Variants in NPHS1 observed in about 807,000 individuals in gnomAD.
The protein encoded by NPHS1 is NPHS1 adhesion molecule, nephrin.
In NPHS1, 107 loss-of-function variants were observed where a neutral mutation model predicts 139.7. That is an observed-to-expected ratio of 0.77 (90% confidence interval 0.66 to 0.90). The LOEUF (loss-of-function observed/expected upper bound fraction) is 0.90, where lower values mean the gene tolerates loss of function less well. Ranked by LOEUF, NPHS1 falls within the 40% of genes least tolerant of loss-of-function variation. NPHS1 has a pLI of 0.00. For synonymous variants in NPHS1, 707 were observed against 706.6 expected (o/e 1.00, Z -0.01); for missense variants, 1,580 against 1,654.2 (o/e 0.96, Z 0.78).
rs373967185 is a variant in NPHS1, at chr19:35,834,995, C to G, written c.3166+710G>C. Among the ~76,000 whole-genome samples, 16 of 151,476 alleles carry G rather than the reference C, an allele frequency of 1.1e-4. No individual in the cohort carries two copies. In the South Asian group the frequency reaches 3.1e-3, roughly 30 times the overall value. ...GGCAGATCACTTGAGGTCGGGAGTT[C>G]GAGACCAGCCTGGCCAACATGGTGA... On this transcript the variant is annotated intron_variant, in intron 23 of 28. Coordinates refer to ENST00000378910, the MANE Select transcript of NPHS1 (RefSeq NM_004646.4).
chr19:35,845,978 C>T lies in NPHS1; in HGVS notation c.1627+30G>A, dbSNP rs755162374. Reference sequence around the variant, plus strand: ...ACCTGGCTCTGTCCCTCCCGCCCCGCCCCCGGGCCTCAGCAGTGCGAGCCC... The same window carrying T: ...ACCTGGCTCTGTCCCTCCCGCCCCGTCCCCGGGCCTCAGCAGTGCGAGCCC... On this transcript the variant is annotated intron_variant, in intron 12 of 28. Transcript: ENST00000378910. The surrounding 1 kb of genome is among the most constrained non-coding windows in gnomAD (Gnocchi z 5.5). The T allele has an allele frequency of 5.2e-6, 8 of 1,550,110 alleles. No homozygotes were observed. The South Asian group carries it at 5.9e-5, about 11-fold the overall frequency.
intron 28 of NPHS1, among the ~76,000 whole-genome samples, chr19:35,830,026 C>T (rs1773125025): frequency 6.6e-6 from 1 of 152,092 alleles, no homozygotes; most frequent in Non-Finnish European, 1.5e-5. Flanking sequence ...CAATTGTATG[C>T]CTTGATTTTT....
rs1021202703 is a variant in NPHS1 at position 35,826,194 on chromosome 19, G to A, written c.*320C>T. 1.6e-5 allele frequency: 5 copies of A among 305,476 alleles called. No homozygotes were observed. Among genetic ancestry groups the A allele is most frequent in the African/African-American group, 6.4e-5 (3 of 46,522 alleles). 18.9% of individuals were successfully genotyped at this position (305,476 alleles called of 1,614,324 possible). A position where few individuals can be genotyped will look rare whatever the true frequency, so the allele number is the denominator to read the frequency against. On this transcript the variant is annotated 3_prime_UTR_variant, in exon 29 of 29. Coordinates refer to ENST00000378910, the MANE Select transcript of NPHS1 (RefSeq NM_004646.4). ...ACTCCTGACCTCAGGTGATCCACCCGCCTCAGCCTCCCAAAGTGCTGGGAT... is the reference window on the plus strand; with the variant it reads ...ACTCCTGACCTCAGGTGATCCACCCACCTCAGCCTCCCAAAGTGCTGGGAT...
In NPHS1 at chr19:35,831,154, C is replaced by T; in HGVS notation, c.3388-8G>A. 1 of 1,613,814 alleles carries T rather than the reference C, an allele frequency of 6.2e-7. No homozygotes were observed. The highest frequency in any genetic ancestry group is 1.1e-5 in the South Asian group (1 of 91,070). ...TGCCTCTGTTGTGCTGACCTGTTCC[C>T]CACACGCAAAACAAACAAAGCCCTT... is the stretch of plus-strand genomic sequence containing the variant. On this transcript the variant is annotated splice_polypyrimidine_tract_variant and splice_region_variant and intron_variant, in intron 26 of 28. Transcript: ENST00000378910.
rs539716201 is a variant in NPHS1, at chr19:35,850,444, A to C, written c.528T>G (p.Ser176Arg). The change falls in exon 5 of 29, where the codon AGT becomes AGG. Residue 176 changes from serine (S) to arginine (R), a missense_variant and splice_region_variant. Physicochemically the swap from Ser to Arg is moderately radical, Grantham distance 110. Coordinates refer to ENST00000378910, the MANE Select transcript of NPHS1 (RefSeq NM_004646.4). ...KPAPDITILL[S>R]GQTISDISAN... ...CAGAGATGTCAGATATTGTCTGTCC[A>C]CCTTGGGGCAGCAAGAGGGCTAGAG... 1.9e-6 allele frequency: 3 copies of C among 1,613,984 alleles called. No homozygotes were observed. The Admixed American group carries it at 5.0e-5, about 27-fold the overall frequency.
In NPHS1 at chr19:35,831,485, G is replaced by C. The variant is rs754223298; in HGVS notation, c.3302C>G (p.Thr1101Arg). The C allele has an allele frequency of 6.2e-7, 1 of 1,613,546 alleles. No individual in the cohort carries two copies. The highest frequency in any genetic ancestry group is 8.5e-7 in the Non-Finnish European group (1 of 1,179,924). ...RRLAEGISEK[T>R]EAGSEEDRVR... ...AAATATCCCCACTTACCCTGCCTCT[G>C]TCTTCTCTGAGATGCCTGAAGGAAA... Residue 1101 changes from threonine (T) to arginine (R), a missense_variant, in exon 25 of 29, where the codon ACA (threonine) becomes AGA (arginine). By Grantham distance (71) the Thr-to-Arg change is moderately conservative. Coordinates refer to ENST00000378910, the MANE Select transcript of NPHS1 (RefSeq NM_004646.4).
In NPHS1 at chr19:35,835,738, G is replaced by C; in HGVS notation, c.3133C>G (p.Pro1045Ala). 6.2e-7 allele frequency: 1 copy of C among 1,613,676 alleles called. No homozygotes were observed. Among genetic ancestry groups the C allele is most frequent in the Non-Finnish European group, 8.5e-7 (1 of 1,179,804 alleles). The change falls in exon 23 of 29, where the codon CCT becomes GCT. Residue 1045 changes from proline to alanine, a missense_variant. Pro to Ala is a conservative substitution (Grantham distance 27, BLOSUM62 -1). Coordinates refer to ENST00000378910, the MANE Select transcript of NPHS1 (RefSeq NM_004646.4). ...GGCTCTGTGGGCAGCTGGTCTTCAG[G>C]TTCTCCAGAAGGCTGGTGGAGACCT... ...TPGLHQPSGEPEDQLPTEPPS... is the reference protein window; with the variant it reads ...TPGLHQPSGEAEDQLPTEPPS...
chr19:35,826,708 CTGGGGGA>C, intron 28 of NPHS1, 63 bp from the exon 29 acceptor site: 1 of 1,580,014 alleles, frequency 6.3e-7, no homozygotes, highest in Non-Finnish European at 8.7e-7. Flanking sequence ...CATTGAAGAT[CTGGGGGA>C]TACATGCCCC....
At chr19:35,842,945 C>T (rs1973082642) in intron 17 of NPHS1, among the ~76,000 whole-genome samples, 1 of 152,158 alleles carries the variant, frequency 6.6e-6, no homozygotes, top group Non-Finnish European at 1.5e-5. Context: ...ATTCACTCAA[C>T]TATTCACTCA....
At chr19:35,830,593 G>T (rs1426986835) in intron 28 of NPHS1, among the ~76,000 whole-genome samples, 2 of 152,158 alleles carry the variant, frequency 1.3e-5, no homozygotes, top group African/African-American at 4.8e-5. Flanking sequence ...AAAATGTTTT[G>T]TAGAGACAAG....
chr19:35,837,938 TA>T (rs1200757977), intron 22 of NPHS1, among the ~76,000 whole-genome samples: 19,608 of 99,392 alleles, frequency 0.2, 1,562 homozygotes, highest in East Asian at 0.54. Flanking sequence ...GTTATTCTCT[TA>T]AAAAAAAAAA....
rs1050045774 is a variant in NPHS1, at chr19:35,826,319, C to T, written c.*195G>A. ...AGAAGTTTAGTTTCTAAAGCCAACC[C>T]CAGGATGCACCTTGTTTCTACTCTG... On this transcript the variant is annotated 3_prime_UTR_variant, in exon 29 of 29. Coordinates refer to ENST00000378910, the MANE Select transcript of NPHS1 (RefSeq NM_004646.4). 1.6e-6 allele frequency: 1 copy of T among 624,926 alleles called. No homozygotes were observed. Among genetic ancestry groups the T allele is most frequent in the Non-Finnish European group, 2.8e-6 (1 of 355,196 alleles). The allele number at this position is 624,926 out of a possible 1,614,324, so 38.7% of individuals were successfully genotyped here.
rs765203013 is a variant in NPHS1, at chr19:35,848,238, A to G, written c.1315+15T>C. ...TGAGGCTTGGGGGCATTGCTGGGCC[A>G]GGGCAGGGGCTCACATTTTACGTTC... On this transcript the variant is annotated intron_variant, in intron 10 of 28. Coordinates refer to ENST00000378910, the MANE Select transcript of NPHS1 (RefSeq NM_004646.4). 3 of 1,614,028 alleles carry G rather than the reference A, an allele frequency of 1.9e-6. No individual in the cohort carries two copies. The highest frequency in any genetic ancestry group is 1.6e-4 in the Middle Eastern group (1 of 6,084).
At chr19:35,848,543 C>T (rs1474898504) in intron 9 of NPHS1, 94 bp downstream of exon 9, 3 of 1,577,094 alleles carry the variant, frequency 1.9e-6, no homozygotes, top group East Asian at 2.3e-5. Flanking sequence ...AAGGAGAAAG[C>T]CCCCCAGGCT....
At position 35,848,802 on chromosome 19, in the gene NPHS1, G is replaced by A; in HGVS notation, c.1013-8C>T. 2 of 1,614,186 alleles carry A rather than the reference G, an allele frequency of 1.2e-6. No homozygotes were observed. The highest frequency in any genetic ancestry group is 2.2e-5 in the East Asian group (1 of 44,880). On this transcript the variant is annotated splice_region_variant and splice_polypyrimidine_tract_variant and intron_variant, in intron 8 of 28. Transcript: ENST00000378910. ...TAATGGCACTAGGGGGAACTGCAGGGACAGAGAAGGAAGACACTAAGCTGG... is the reference window on the plus strand; with the variant it reads ...TAATGGCACTAGGGGGAACTGCAGGAACAGAGAAGGAAGACACTAAGCTGG...
In NPHS1 at chr19:35,837,073, A is replaced by AGAAAGAAAGAAAG. The variant is rs765643414; in HGVS notation, c.3110-1313_3110-1312insCTTTCTTTCTTTC. Reference sequence around the variant, plus strand: ...AAGAAAGAAAGAAAGAAAGAAAGAAAAATAAACTGAGCCACAAAGATCTGT... The same window carrying AGAAAGAAAGAAAG: ...AAGAAAGAAAGAAAGAAAGAAAGAAAGAAAGAAAGAAAGAATAAACTGAGCCACAAAGATCTGT... On this transcript the variant is annotated intron_variant, in intron 22 of 28. Transcript: ENST00000378910. 2.9e-3 allele frequency among the ~76,000 whole-genome samples: 375 copies of AGAAAGAAAGAAAG among 130,550 alleles called. 1 individual carries two copies. The highest frequency in any genetic ancestry group is 0.018 in the East Asian group (79 of 4,414). 85.6% of individuals were successfully genotyped at this position (130,550 alleles called of 152,430 possible). A position where few individuals can be genotyped will look rare whatever the true frequency, so the allele number is the denominator to read the frequency against.
chr19:35,841,427 A>C (rs1973054182), intron 20 of NPHS1, among the ~76,000 whole-genome samples: 1 of 152,174 alleles, frequency 6.6e-6, no homozygotes, highest in African/African-American at 2.4e-5. Flanking sequence ...TGCTGATGGC[A>C]GCTGAACCTA....
intron 14 of NPHS1, 110 bp from the exon 15 acceptor site, chr19:35,844,569 T>A (rs1000624410): frequency 8.4e-7 from 1 of 1,188,776 alleles, no homozygotes; most frequent in African/African-American, 1.5e-5. Flanking sequence ...ACGACGGGGT[T>A]TAAGGTTGTG....
chr19:35,830,314 C>A (rs1972858864), intron 28 of NPHS1, among the ~76,000 whole-genome samples: 1 of 152,240 alleles, frequency 6.6e-6, no homozygotes, highest in Non-Finnish European at 1.5e-5. Flanking sequence ...ATTCTTTCAC[C>A]TTTTCCCATG....
Sources: allele counts gnomAD v4.1 joint callset (sites outside exome capture counted in the v4.1 genomes callset), GRCh38; gene constraint gnomAD v4.1.1; non-coding constraint Gnocchi (gnomAD v3.1); transcripts MANE v1.5; gene names NCBI Gene and HGNC (gene_info 2026-07-23, HGNC 2026-07-21).